Variants in PCDHGA10 observed in about 807,000 individuals in gnomAD.
PCDHGA10 encodes protocadherin gamma-A10.
In PCDHGA10, 42 loss-of-function variants were observed where a neutral mutation model predicts 59.5. That is an observed-to-expected ratio of 0.71 (90% CI 0.55 to 0.91). PCDHGA10 has a LOEUF of 0.91. Ranked by LOEUF, PCDHGA10 falls within the 40% of genes least tolerant of loss-of-function variation. The probability of loss-of-function intolerance (pLI) is 0.00; values close to 1 mark genes in which losing one functional copy is unlikely to be tolerated. For missense variants in PCDHGA10, 1,111 were observed against 1,198.2 expected (o/e 0.93, Z 1.07); for synonymous variants, 511 against 517.2 (o/e 0.99, Z 0.16).
intron 1 of PCDHGA10, chr5:141,426,927 A>G (rs1480193041): frequency 2.2e-6 from 1 of 456,634 alleles, no homozygotes; most frequent in African/African-American, 2.0e-5. Flanking sequence ...AGCAATGGAC[A>G]TGGGTGACCC....
chr5:141,477,361 G>A lies in PCDHGA10; in HGVS notation c.2437-17446G>A. The A allele has an allele frequency of 6.2e-7, 1 of 1,614,172 alleles. No individual in the cohort carries two copies. The highest frequency in any genetic ancestry group is 8.5e-7 in the Non-Finnish European group (1 of 1,180,032). Reference sequence around the variant, plus strand: ...TCACTTTGAAAACCAGTGCAGACCTGGATCGGGAGACTGTGCCAGAATACA... The same window carrying A: ...TCACTTTGAAAACCAGTGCAGACCTAGATCGGGAGACTGTGCCAGAATACA... On this transcript the variant is annotated intron_variant, in intron 1 of 3. Coordinates refer to ENST00000398610, the MANE Select transcript of PCDHGA10 (RefSeq NM_018913.3). The surrounding 1 kb of genome is among the most constrained non-coding windows in gnomAD (Gnocchi z 4.9).
In PCDHGA10 at chr5:141,476,466, A is replaced by C. The variant is rs771760524; in HGVS notation, c.2437-18341A>C. The C allele has an allele frequency of 6.2e-7, 1 of 1,613,996 alleles. No individual in the cohort carries two copies. Reference sequence around the variant, plus strand: ...GAGTTGGTAGTGGAGAACCCGCTGGAGCTGTTCAGCGTGGAAGTGGTGATC... The same window carrying C: ...GAGTTGGTAGTGGAGAACCCGCTGGCGCTGTTCAGCGTGGAAGTGGTGATC... On this transcript the variant is annotated intron_variant, in intron 1 of 3. Transcript: ENST00000398610. This position sits in a 1 kb window ranked among gnomAD's most constrained non-coding sequence, Gnocchi z 7.6.
intron 1 of PCDHGA10, among the ~76,000 whole-genome samples, chr5:141,438,705 G>A (rs555160868): frequency 2.0e-4 from 29 of 145,842 alleles, no homozygotes; most frequent in African/African-American, 7.1e-4. Flanking sequence ...CTGTCACCCA[G>A]GCTGGAGTGC....
At chr5:141,456,404 G>A (rs935040352) in intron 1 of PCDHGA10, among the ~76,000 whole-genome samples, 4 of 152,104 alleles carry the variant, frequency 2.6e-5, no homozygotes, top group Non-Finnish European at 4.4e-5. Flanking sequence ...TTGCTTCTAG[G>A]CGAGAAGAAA....
chr5:141,414,783 G>C lies in PCDHGA10; in HGVS notation c.1608G>C (p.Val536=). Residue 536 remains valine (V), a synonymous_variant, in exon 1 of 4, where the codon GTG becomes GTC. Coordinates refer to ENST00000398610, the MANE Select transcript of PCDHGA10 (RefSeq NM_018913.3). Reference sequence around the variant, plus strand: ...AGTTTCATGAGCTACAGATGCAGGTGACAGCCAGCGACAGCGGGGATCCTC... The same window carrying C: ...AGTTTCATGAGCTACAGATGCAGGTCACAGCCAGCGACAGCGGGGATCCTC... ...YEQFHELQMQ[V]TASDSGDPPL... 1.2e-6 allele frequency: 2 copies of C among 1,614,220 alleles called. No individual in the cohort carries two copies. The highest frequency in any genetic ancestry group is 1.7e-6 in the Non-Finnish European group (2 of 1,180,044).
At chr5:141,509,071 G>T (rs1209992467) in intron 3 of PCDHGA10, among the ~76,000 whole-genome samples, 1 of 152,176 alleles carries the variant, frequency 6.6e-6, no homozygotes, top group Admixed American at 6.5e-5. Flanking sequence ...CAGCTCCGGG[G>T]ATTTGCGACA....
At chr5:141,445,268 C>A (rs2098461653) in intron 1 of PCDHGA10, among the ~76,000 whole-genome samples, 1 of 152,170 alleles carries the variant, frequency 6.6e-6, no homozygotes, top group Non-Finnish European at 1.5e-5. Flanking sequence ...TAAGTCGAAA[C>A]CACTCTGCAT....
In PCDHGA10 at chr5:141,487,917, CTACAGTGCACAGGG is replaced by C; in HGVS notation, c.2437-6879_2437-6866del. On this transcript the variant is annotated intron_variant, in intron 1 of 3. Coordinates refer to ENST00000398610, the MANE Select transcript of PCDHGA10 (RefSeq NM_018913.3). The surrounding 1 kb of genome is among the most constrained non-coding windows in gnomAD (Gnocchi z 5.0). ...TGATGGAATGTGGGAGCACAGGAGG[CTACAGTGCACAGGG>C]TACAGTGCACCAGGCAGTCACTTGG... 1 of 647,994 alleles carries C rather than the reference CTACAGTGCACAGGG, an allele frequency of 1.5e-6. No homozygotes were observed. The highest frequency in any genetic ancestry group is 2.7e-6 in the Non-Finnish European group (1 of 377,182). 40.1% of individuals were successfully genotyped at this position (647,994 alleles called of 1,614,324 possible).
chr5:141,437,728 A>T (rs1236819934), intron 1 of PCDHGA10, among the ~76,000 whole-genome samples: 1 of 150,908 alleles, frequency 6.6e-6, no homozygotes, highest in Non-Finnish European at 1.5e-5. Context: ...CTAATGTTAC[A>T]CTTTGAGTTC....
At chr5:141,503,936 C>G (rs2099834285) in intron 2 of PCDHGA10, among the ~76,000 whole-genome samples, 1 of 152,186 alleles carries the variant, frequency 6.6e-6, no homozygotes, top group Non-Finnish European at 1.5e-5. Flanking sequence ...CATTTTCATG[C>G]CTTCAAGGCC....
rs748017565 is a variant in PCDHGA10 at position 141,477,404 on chromosome 5, C to G, written c.2437-17403C>G. ...AGAATACAACCTCAGCATCACCGCCCGAGACGCCGGAACCCCTTCCCTCTC... is the reference window on the plus strand; with the variant it reads ...AGAATACAACCTCAGCATCACCGCCGGAGACGCCGGAACCCCTTCCCTCTC... On this transcript the variant is annotated intron_variant, in intron 1 of 3. Coordinates refer to ENST00000398610, the MANE Select transcript of PCDHGA10 (RefSeq NM_018913.3). The surrounding 1 kb of genome is among the most constrained non-coding windows in gnomAD (Gnocchi z 4.9). The G allele has an allele frequency of 1.9e-6, 3 of 1,614,042 alleles. No homozygotes were observed. Among genetic ancestry groups the G allele is most frequent in the African/African-American group, 1.3e-5 (1 of 74,902 alleles).
chr5:141,471,204 C>T (rs1349368582), intron 1 of PCDHGA10: 2 of 151,866 alleles, frequency 1.3e-5, no homozygotes, highest in African/African-American at 4.8e-5. Flanking sequence ...CACCCACCCC[C>T]ATGCCTGGCA....
intron 2 of PCDHGA10, among the ~76,000 whole-genome samples, chr5:141,500,184 TTTTATTTATTTATTTATTTA>T (rs58019021): frequency 1.5e-5 from 2 of 135,966 alleles, no homozygotes; most frequent in Non-Finnish European, 3.2e-5. Flanking sequence ...TCATTTTTAT[TTTTATTTATTTATTTATTTA>T]TTTATTTATT....
At chr5:141,442,629 A>G (rs959326665) in intron 1 of PCDHGA10, among the ~76,000 whole-genome samples, 2 of 152,248 alleles carry the variant, frequency 1.3e-5, no homozygotes, top group African/African-American at 4.8e-5. Context: ...TTCTAGCAGC[A>G]AGACCAAAGG....
intron 1 of PCDHGA10, among the ~76,000 whole-genome samples, chr5:141,466,493 A>G (rs2099123402): frequency 6.6e-6 from 1 of 152,226 alleles, no homozygotes; most frequent in South Asian, 2.1e-4. Context: ...TTCTTTAATT[A>G]GAGCACAGAC....
In PCDHGA10 at chr5:141,432,068, C is replaced by G. The variant is rs1297096209; in HGVS notation, c.2436+16457C>G. ...AACCCCGCCCCTATCCACGGAAACT[C>G]ATATCTCGCTGAACGTGGCAGACAC... On this transcript the variant is annotated intron_variant, in intron 1 of 3. Transcript: ENST00000398610. The surrounding 1 kb of genome is among the most constrained non-coding windows in gnomAD (Gnocchi z 6.0). 6.2e-7 allele frequency: 1 copy of G among 1,614,210 alleles called. No individual in the cohort carries two copies. The highest frequency in any genetic ancestry group is 1.7e-5 in the Admixed American group (1 of 60,028).
intron 1 of PCDHGA10, chr5:141,440,359 G>T (rs932656332): frequency 5.3e-5 from 8 of 152,106 alleles, no homozygotes; most frequent in Non-Finnish European, 1.2e-4. Context: ...CTAGCTACTC[G>T]GGGGGCCGAG....
intron 1 of PCDHGA10, 129 bp downstream of exon 1, chr5:141,415,740 G>GTTTTTTGTTT (rs2095911797): frequency 3.9e-6 from 2 of 515,998 alleles, no homozygotes; most frequent in African/African-American, 2.8e-5. Context: ...GTTTATTAAG[G>GTTTTTTGTTT]TTTTTTTTTT....
rs1044469814 is a variant in PCDHGA10, at chr5:141,415,270, G to A, written c.2095G>A (p.Val699Ile). The A allele has an allele frequency of 6.2e-7, 1 of 1,614,118 alleles. No homozygotes were observed. Among genetic ancestry groups the A allele is most frequent in the Non-Finnish European group, 8.5e-7 (1 of 1,180,046 alleles). ...CTCAGACCTCACTCTGTACCTGGTG[G>A]TAGCGGTGGCCGCGGTCTCCTGCGT... ...ETSDLTLYLV[V>I]AVAAVSCVFL... is the part of the protein sequence containing the mutation. Residue 699 changes from valine to isoleucine, a missense_variant, in exon 1 of 4, where the codon GTA becomes ATA. Coordinates refer to ENST00000398610, the MANE Select transcript of PCDHGA10 (RefSeq NM_018913.3).
Sources: gnomAD v4.1 joint callset for allele counts (sites outside exome capture counted in the v4.1 genomes callset) on GRCh38, gnomAD v4.1.1 for gene constraint, Gnocchi (gnomAD v3.1) non-coding constraint, MANE v1.5 for transcripts, NCBI Gene and HGNC (gene_info 2026-07-23, HGNC 2026-07-21) for gene names.